The following MPDZ variants were observed in gnomAD, a reference collection of about 807,000 sequenced individuals.
MPDZ encodes the protein multiple PDZ domain protein.
MPDZ carries 234 observed loss-of-function variants against 239.1 expected under a neutral mutation model. The observed-to-expected ratio is 0.98, with a 90% CI of 0.88 to 1.09. MPDZ has a LOEUF of 1.09. MPDZ is among the 50% of genes least tolerant of loss of function. The pLI is 0.00. For missense variants in MPDZ, 3,175 were observed against 2,510.0 expected (o/e 1.26, Z -5.66); for synonymous variants, 1,048 against 881.3 (o/e 1.19, Z -3.35).
chr9:13,115,103 C>A, intron 40 of MPDZ, 145 bp downstream of exon 40: 1 of 617,964 alleles, frequency 1.6e-6, no homozygotes, highest in Non-Finnish European at 2.9e-6. Flanking sequence ...ATTCCTTGTT[C>A]TTCTCTGTCT....
At chr9:13,256,665 C>T (rs1260926421) in intron 1 of MPDZ, among the ~76,000 whole-genome samples, 1 of 152,138 alleles carries the variant, frequency 6.6e-6, no homozygotes, top group Non-Finnish European at 1.5e-5. Context: ...TTAGGTTCAC[C>T]ATCTTAAATG....
In MPDZ at chr9:13,143,540, G is replaced by A; in HGVS notation, c.3766C>T (p.His1256Tyr). 1.2e-6 allele frequency: 2 copies of A among 1,613,008 alleles called. No homozygotes were observed. The highest frequency in any genetic ancestry group is 1.1e-5 in the South Asian group (1 of 91,078). Residue 1256 changes from histidine to tyrosine, a missense_variant, in exon 27 of 47, where the codon CAC becomes TAC. Coordinates refer to ENST00000319217, the MANE Select transcript of MPDZ (RefSeq NM_001378778.1). Reference protein sequence around the residue: ...PRKSPLPSLLHNLYPKYNFSS... With the variant: ...PRKSPLPSLLYNLYPKYNFSS... ...AAGTTGTACTTAGGGTAAAGGTTGTGCAGCAAGGAAGGCAAAGGGGATTTC... is the reference window on the plus strand; with the variant it reads ...AAGTTGTACTTAGGGTAAAGGTTGTACAGCAAGGAAGGCAAAGGGGATTTC...
intron 1 of MPDZ, among the ~76,000 whole-genome samples, chr9:13,268,203 G>A (rs1478187305): frequency 6.6e-6 from 1 of 151,152 alleles, no homozygotes. Context: ...TAGATATACA[G>A]ATGGTACTTA....
chr9:13,278,382 C>T (rs1269811498), intron 1 of MPDZ, among the ~76,000 whole-genome samples: 1 of 152,174 alleles, frequency 6.6e-6, no homozygotes, highest in African/African-American at 2.4e-5. Context: ...GGCCCCCACT[C>T]GCCCCCAGTG....
At chr9:13,171,578 T>C (rs1331673) in intron 21 of MPDZ, among the ~76,000 whole-genome samples, 99,618 of 152,000 alleles carry the variant, frequency 0.66, 33,486 homozygotes, top group Middle Eastern at 0.76. Context: ...AACACCACAT[T>C]ATTAAGCAAG....
intron 1 of MPDZ, among the ~76,000 whole-genome samples, chr9:13,275,349 C>A (rs1245845828): frequency 6.6e-6 from 1 of 152,150 alleles, no homozygotes; most frequent in Non-Finnish European, 1.5e-5. Context: ...AGAGGGAGGG[C>A]ATGTGAAGAA....
intron 10 of MPDZ, among the ~76,000 whole-genome samples, chr9:13,215,512 G>A (rs564094375): frequency 7.7e-4 from 117 of 151,202 alleles, no homozygotes; most frequent in Admixed American, 2.4e-3. Context: ...TGGCGAGTGT[G>A]AATAATATTG....
chr9:13,279,226 C>G (rs1975009780), intron 1 of MPDZ, 174 bp downstream of exon 1: 2 of 142,768 alleles, frequency 1.4e-5, no homozygotes, highest in Admixed American at 1.4e-4. Flanking sequence ...ACCGCCCCAC[C>G]GCCCCACGGC....
intron 3 of MPDZ, among the ~76,000 whole-genome samples, chr9:13,230,094 C>G (rs1482359232): frequency 7.2e-5 from 11 of 152,004 alleles, no homozygotes; most frequent in Non-Finnish European, 1.6e-4. Context: ...AGAAATTTAG[C>G]ATCATTAGCC....
intron 41 of MPDZ, among the ~76,000 whole-genome samples, chr9:13,113,536 A>G (rs2131234803): frequency 6.6e-6 from 1 of 152,338 alleles, no homozygotes; most frequent in African/African-American, 2.4e-5. Context: ...GATTTCACGT[A>G]ATTAAAACAC....
intron 38 of MPDZ, chr9:13,119,854 A>C: frequency 1.7e-6 from 1 of 581,492 alleles, no homozygotes; most frequent in Non-Finnish European, 3.0e-6. Context: ...CATAGATTAA[A>C]ATGATCTCCA....
At chr9:13,129,388 G>A (rs1463182716) in intron 32 of MPDZ, among the ~76,000 whole-genome samples, 2 of 151,908 alleles carry the variant, frequency 1.3e-5, no homozygotes, top group South Asian at 4.2e-4. Flanking sequence ...GCTTGAACCC[G>A]GGAGGTGGAG....
chr9:13,188,224 A>G (rs1954398713), intron 17 of MPDZ, among the ~76,000 whole-genome samples: 1 of 152,204 alleles, frequency 6.6e-6, no homozygotes, highest in South Asian at 2.1e-4. Flanking sequence ...ATTATCAAAT[A>G]TAAAATGTTA....
intron 32 of MPDZ, among the ~76,000 whole-genome samples, chr9:13,127,516 C>A (rs529840498): frequency 6.6e-6 from 1 of 152,304 alleles, no homozygotes; most frequent in South Asian, 2.1e-4. Context: ...GAGCTAGCCA[C>A]CTTCTAATTT....
intron 2 of MPDZ, among the ~76,000 whole-genome samples, chr9:13,249,348 C>T (rs1021000870): frequency 2.0e-5 from 3 of 152,096 alleles, no homozygotes; most frequent in Non-Finnish European, 4.4e-5. Context: ...TATATTTGCC[C>T]TTTCCTTTCC....
intron 28 of MPDZ, among the ~76,000 whole-genome samples, chr9:13,138,745 T>C (rs1227538922): frequency 6.6e-6 from 1 of 152,170 alleles, no homozygotes; most frequent in East Asian, 1.9e-4. Flanking sequence ...CAAGAGGTGA[T>C]GGTTATTGTG....
rs1166190967 is a variant in MPDZ at position 13,186,288 on chromosome 9, G to T, written c.2463C>A (p.Phe821Leu). 6.3e-7 allele frequency: 1 copy of T among 1,590,072 alleles called. No homozygotes were observed. Among genetic ancestry groups the T allele is most frequent in the Non-Finnish European group, 8.6e-7 (1 of 1,167,308 alleles). ...EEAGLADKPL[F>L]RADLALVGTN... The stretch of plus-strand genomic sequence containing the variant: ...CACTAACCAGAGCCAAGTCAGCCCT[G>T]AAGAGGGGTTTGTCAGCCAGCCCTG... Residue 821 changes from phenylalanine to leucine, a missense_variant, in exon 18 of 47, where the codon TTC (phenylalanine) becomes TTA (leucine). Physicochemically the swap from Phe to Leu is conservative, Grantham distance 22. Transcript: ENST00000319217.
intron 21 of MPDZ, among the ~76,000 whole-genome samples, chr9:13,173,439 G>A (rs745576482): frequency 7.9e-5 from 12 of 151,952 alleles, no homozygotes; most frequent in African/African-American, 1.9e-4. Flanking sequence ...AGGGTGACTC[G>A]TGCCTGTAAT....
At chr9:13,112,257 G>T in intron 42 of MPDZ, 111 bp from the exon 43 acceptor site, 1 of 1,119,084 alleles carries the variant, frequency 8.9e-7, no homozygotes, top group Non-Finnish European at 1.2e-6. Context: ...AGTGTGAGGG[G>T]GAAAATGAAG....
Sources: gnomAD v4.1 joint callset for allele counts (sites outside exome capture counted in the v4.1 genomes callset) on GRCh38, gnomAD v4.1.1 for gene constraint, MANE v1.5 for transcripts, NCBI Gene and HGNC (gene_info 2026-07-23, HGNC 2026-07-21) for gene names.